The following CNTN1 variants were observed in gnomAD, a reference collection of about 807,000 sequenced individuals.
The protein encoded by CNTN1 is contactin 1, also known as contactin-1.
A neutral mutation model predicts 126.4 loss-of-function variants in CNTN1; 38 were observed. That is an observed-to-expected ratio of 0.30 (90% CI 0.23 to 0.39). The LOEUF (loss-of-function observed/expected upper bound fraction) is 0.39. Ranked by LOEUF, CNTN1 falls within the 10% of genes least tolerant of loss-of-function variation. The probability of loss-of-function intolerance (pLI) is 1.00; values close to 1 mark genes in which losing one functional copy is unlikely to be tolerated. For missense variants in CNTN1, 1,009 were observed against 1,248.4 expected, an observed-to-expected ratio of 0.81 and a Z score of 2.89; for synonymous variants, 413 against 422.6, an observed-to-expected ratio of 0.98 and a Z score of 0.28.
At chr12:40,787,500 A>G (rs939348049) in intron 1 of CNTN1, among the ~76,000 whole-genome samples, 1 of 152,112 alleles carries the variant, frequency 6.6e-6, no homozygotes, top group African/African-American at 2.4e-5. Flanking sequence ...GTTCCTCATC[A>G]CTTGTATTAG....
intron 23 of CNTN1, among the ~76,000 whole-genome samples, chr12:41,064,826 T>A (rs1464916635): frequency 6.6e-6 from 1 of 152,106 alleles, no homozygotes; most frequent in Non-Finnish European, 1.5e-5. Context: ...TTATTATCCC[T>A]ATTTTATAGT....
rs11614303 is a variant in CNTN1, at chr12:41,024,979, C to G, written c.2524-171C>G. On this transcript the variant is annotated intron_variant, in intron 20 of 23. Coordinates refer to ENST00000551295, the MANE Select transcript of CNTN1 (RefSeq NM_001843.4). ...TTTGGCATCTTTAGTCATTCCTGCCCTGTATGCTTTACTATATTCTAAGGC... is the reference window on the plus strand; with the variant it reads ...TTTGGCATCTTTAGTCATTCCTGCCGTGTATGCTTTACTATATTCTAAGGC... Among the ~76,000 whole-genome samples, 35,929 of 151,864 alleles carry G rather than the reference C, an allele frequency of 0.24. 4,352 individuals are homozygous for G. The highest frequency in any genetic ancestry group is 0.29 in the Middle Eastern group (84 of 294).
intron 15 of CNTN1, among the ~76,000 whole-genome samples, chr12:40,961,776 G>A (rs1947113248): frequency 6.6e-6 from 1 of 152,050 alleles, no homozygotes; most frequent in Non-Finnish European, 1.5e-5. Context: ...TTATGCAAAA[G>A]AATAAAATAC....
chr12:40,704,924 T>C (rs1314917998), intron 1 of CNTN1, among the ~76,000 whole-genome samples: 2 of 152,214 alleles, frequency 1.3e-5, no homozygotes, highest in Non-Finnish European at 2.9e-5. Flanking sequence ...TTAGTCATAC[T>C]GAAATGTGCT....
chr12:40,831,856 G>T (rs1376340088), intron 1 of CNTN1, among the ~76,000 whole-genome samples: 1 of 152,054 alleles, frequency 6.6e-6, no homozygotes, highest in Non-Finnish European at 1.5e-5. Context: ...TCAAATGCAG[G>T]GGGAAAAAGA....
intron 23 of CNTN1, among the ~76,000 whole-genome samples, chr12:41,052,912 ATG>A (rs985994756): frequency 1.3e-5 from 2 of 151,986 alleles, no homozygotes; most frequent in Non-Finnish European, 2.9e-5. Context: ...TGCATCTAAA[ATG>A]TGAGAGCCAA....
At chr12:40,790,571 GCTGTC>G (rs1940181832) in intron 1 of CNTN1, among the ~76,000 whole-genome samples, 1 of 151,988 alleles carries the variant, frequency 6.6e-6, no homozygotes, top group Admixed American at 6.6e-5. Context: ...CCTTCTCACT[GCTGTC>G]CAGACTTTGG....
intron 17 of CNTN1, 24 bp from the exon 18 acceptor site, chr12:41,014,204 C>A (rs1229828947): frequency 6.2e-7 from 1 of 1,611,126 alleles, no homozygotes; most frequent in Non-Finnish European, 8.5e-7. Flanking sequence ...TGTTGTTTTG[C>A]ATATATTTGT....
intron 23 of CNTN1, among the ~76,000 whole-genome samples, chr12:41,064,550 T>C (rs1004449781): frequency 1.3e-5 from 2 of 152,232 alleles, no homozygotes; most frequent in African/African-American, 4.8e-5. Context: ...ATGCTTTACA[T>C]AAAGCAGTTG....
rs956295112 is a variant in CNTN1 at position 40,971,515 on chromosome 12, C to T, written c.1805-9394C>T. The stretch of plus-strand genomic sequence containing the variant: ...GCAAGCCTGCCTCCAACCTGGTGAT[C>T]GTTGACACTCACCATTTCTGTGAAA... On this transcript the variant is annotated intron_variant, in intron 15 of 23. Transcript: ENST00000551295. 11 of 1,595,190 alleles carry T rather than the reference C, an allele frequency of 6.9e-6. No homozygotes were observed. In the Admixed American group the frequency reaches 1.2e-4, roughly 17 times the overall value.
chr12:40,829,730 G>A (rs1412846316), intron 1 of CNTN1, among the ~76,000 whole-genome samples: 1 of 152,000 alleles, frequency 6.6e-6, no homozygotes, highest in Non-Finnish European at 1.5e-5. Context: ...CCTTAGGGAG[G>A]GGAAAAAAGG....
At position 40,981,032 on chromosome 12, in the gene CNTN1, C is replaced by T. The variant is rs747795624; in HGVS notation, c.1928C>T (p.Thr643Ile). 1.2e-6 allele frequency: 2 copies of T among 1,613,204 alleles called. No individual in the cohort carries two copies. The highest frequency in any genetic ancestry group is 1.1e-5 in the South Asian group (1 of 91,060). ...PISKYTIQTK[T>I]ILSDDWKDAK... The stretch of plus-strand genomic sequence containing the variant: ...TCTAAATACACTATCCAGACCAAGA[C>T]TATTCTTTCAGATGACTGGAAAGAT... Residue 643 changes from threonine (T) to isoleucine (I), a missense_variant, in exon 16 of 24, where the codon ACT becomes ATT. Thr to Ile is a moderately conservative substitution (Grantham distance 89). Transcript: ENST00000551295.
intron 1 of CNTN1, chr12:40,828,238 T>G (rs1230307301): frequency 6.6e-6 from 1 of 152,162 alleles, no homozygotes; most frequent in East Asian, 1.9e-4. Context: ...GTTGCTGTAT[T>G]TATTCAAATG....
intron 1 of CNTN1, among the ~76,000 whole-genome samples, chr12:40,786,175 G>T (rs529957982): frequency 6.6e-6 from 1 of 152,278 alleles, no homozygotes; most frequent in Admixed American, 6.5e-5. Flanking sequence ...ACTCATTTGG[G>T]TTATTGGCAG....
At chr12:40,839,681 T>C (rs1283203429) in intron 1 of CNTN1, among the ~76,000 whole-genome samples, 1 of 152,206 alleles carries the variant, frequency 6.6e-6, no homozygotes, top group Non-Finnish European at 1.5e-5. Context: ...TTATCCTTCA[T>C]TAATGACGTA....
chr12:40,892,430 T>A (rs1204818212), intron 1 of CNTN1, among the ~76,000 whole-genome samples: 2 of 152,068 alleles, frequency 1.3e-5, no homozygotes, highest in African/African-American at 2.4e-5. Context: ...CCAGCCACAT[T>A]AGAATTTTTC....
intron 1 of CNTN1, among the ~76,000 whole-genome samples, chr12:40,695,331 G>A (rs1254903868): frequency 1.3e-5 from 2 of 152,150 alleles, no homozygotes; most frequent in African/African-American, 4.8e-5. Context: ...CTCTCCATGA[G>A]GAGTAATGGA....
At chr12:40,700,143 CTTTT>C (rs1374871441) in intron 1 of CNTN1, among the ~76,000 whole-genome samples, 2 of 152,180 alleles carry the variant, frequency 1.3e-5, no homozygotes, top group Middle Eastern at 3.4e-3. Context: ...ATTACCCTTT[CTTTT>C]GTTTGTTTTG....
chr12:41,026,491 A>G (rs1949040394), intron 21 of CNTN1, among the ~76,000 whole-genome samples: 1 of 152,238 alleles, frequency 6.6e-6, no homozygotes, highest in Non-Finnish European at 1.5e-5. Flanking sequence ...CTATGATTTG[A>G]GTGATAAATG....
Sources: allele counts gnomAD v4.1 joint callset (sites outside exome capture counted in the v4.1 genomes callset), GRCh38; gene constraint gnomAD v4.1.1; transcripts MANE v1.5; gene names NCBI Gene and HGNC (gene_info 2026-07-23, HGNC 2026-07-21).